The following APIP variants were observed in gnomAD, a reference collection of about 807,000 sequenced individuals.
APIP encodes the protein APAF1 interacting protein, also known as methylthioribulose-1-phosphate dehydratase.
APIP carries 32 observed loss-of-function variants against 32.0 expected under a neutral mutation model. The observed-to-expected ratio is 1.00, with a 90% CI of 0.76 to 1.34. The LOEUF (loss-of-function observed/expected upper bound fraction) is 1.34. Ranked by LOEUF, APIP falls within the 40% of genes most tolerant of loss-of-function variation. The probability of loss-of-function intolerance (pLI) is 0.00; values close to 1 mark genes in which losing one functional copy is unlikely to be tolerated. For synonymous variants in APIP, 92 were observed against 94.8 expected (o/e 0.97, Z 0.17); for missense variants, 247 against 298.6 (o/e 0.83, Z 1.27).
At chr11:34,896,803 T>C (rs1853280349) in intron 1 of APIP, 4 of 1,288,224 alleles carry the variant, frequency 3.1e-6, no homozygotes, top group Non-Finnish European at 4.0e-6. Context: ...TTCCTGAAGG[T>C]ATTGCAAAAC....
intron 4 of APIP, 74 bp downstream of exon 4, chr11:34,888,678 G>A (rs1031297099): frequency 6.3e-6 from 8 of 1,260,470 alleles, no homozygotes; most frequent in Non-Finnish European, 8.8e-6. Flanking sequence ...AATGTTAACT[G>A]AAATAATAAT....
intron 1 of APIP, among the ~76,000 whole-genome samples, chr11:34,901,983 A>C (rs187224881): frequency 5.3e-5 from 8 of 152,240 alleles, no homozygotes; most frequent in Admixed American, 1.3e-4. Context: ...CAACACCCCA[A>C]TATTAGGAGT....
At chr11:34,903,547 C>T (rs1853398937) in intron 1 of APIP, among the ~76,000 whole-genome samples, 1 of 152,184 alleles carries the variant, frequency 6.6e-6, no homozygotes, top group African/African-American at 2.4e-5. Context: ...AAAATATCAC[C>T]AGGAAATTAA....
intron 1 of APIP, among the ~76,000 whole-genome samples, chr11:34,904,670 G>A (rs1280793420): frequency 1.3e-5 from 2 of 152,096 alleles, no homozygotes; most frequent in African/African-American, 4.8e-5. Flanking sequence ...CAGGAGATTT[G>A]GTACTTGTAA....
At position 34,894,996 on chromosome 11, in the gene APIP, T is replaced by C; in HGVS notation, c.158+14A>G. 3.1e-6 allele frequency: 5 copies of C among 1,605,642 alleles called. No individual in the cohort carries two copies. The highest frequency in any genetic ancestry group is 4.3e-6 in the Non-Finnish European group (5 of 1,172,232). On this transcript the variant is annotated intron_variant, in intron 2 of 6. Transcript: ENST00000395787. ...ATGGAGAGTTCCCAGTAATAAAGGC[T>C]GCCAGAAACTTACCCATGCTTCAAG...
At chr11:34,916,186 T>C in intron 1 of APIP, 42 bp downstream of exon 1, 1 of 1,594,410 alleles carries the variant, frequency 6.3e-7, no homozygotes, top group Non-Finnish European at 8.5e-7. Flanking sequence ...CGCCTGGGCC[T>C]CTCCTCCTGG....
At chr11:34,892,411 C>A (rs914636212) in intron 2 of APIP, among the ~76,000 whole-genome samples, 3 of 152,120 alleles carry the variant, frequency 2.0e-5, no homozygotes, top group African/African-American at 7.2e-5. Context: ...TCAGTTGCTT[C>A]TATTTTTATT....
chr11:34,912,789 C>T (rs1055988180), intron 1 of APIP, among the ~76,000 whole-genome samples: 4 of 152,210 alleles, frequency 2.6e-5, no homozygotes, highest in Admixed American at 6.5e-5. Context: ...CGGCCTATTG[C>T]GGGATCTTGG....
Position 34,890,692 on chromosome 11 carries a change from C to T in APIP, c.159-140G>A, listed in dbSNP as rs573967417. The stretch of plus-strand genomic sequence containing the variant: ...TTGATTTAATTATGGATTTTGGCTG[C>T]ATAGAAAGAAAGCCAAACTACATCA... On this transcript the variant is annotated intron_variant, in intron 2 of 6. Coordinates refer to ENST00000395787, the MANE Select transcript of APIP (RefSeq NM_015957.4). 729 of 823,074 alleles carry T rather than the reference C, an allele frequency of 8.9e-4. 1 individual carries two copies. The African/African-American group carries it at 0.012, about 13-fold the overall frequency. The allele number at this position is 823,074 out of a possible 1,614,324, so 51.0% of individuals were successfully genotyped here.
chr11:34,905,135 C>T (rs932831359), intron 1 of APIP, among the ~76,000 whole-genome samples: 2 of 152,220 alleles, frequency 1.3e-5, no homozygotes, highest in Admixed American at 6.5e-5. Context: ...ATCTCAATTA[C>T]TGTAGCATTC....
At chr11:34,913,089 T>C (rs1171574481) in intron 1 of APIP, among the ~76,000 whole-genome samples, 1 of 152,190 alleles carries the variant, frequency 6.6e-6, no homozygotes, top group East Asian at 1.9e-4. Flanking sequence ...CTGATTTTAC[T>C]CCCTCACTCA....
intron 2 of APIP, among the ~76,000 whole-genome samples, chr11:34,892,967 G>T (rs1853205800): frequency 6.6e-6 from 1 of 152,120 alleles, no homozygotes; most frequent in Non-Finnish European, 1.5e-5. Flanking sequence ...ATTTTACTAT[G>T]TAAAGCACAA....
At chr11:34,909,690 A>G (rs970669985) in intron 1 of APIP, among the ~76,000 whole-genome samples, 7 of 152,164 alleles carry the variant, frequency 4.6e-5, no homozygotes, top group African/African-American at 1.7e-4. Flanking sequence ...GGCGGAAGAT[A>G]AATTTGTAGG....
At chr11:34,896,669 T>G in intron 1 of APIP, 1 of 810,762 alleles carries the variant, frequency 1.2e-6, no homozygotes, top group Non-Finnish European at 1.8e-6. Context: ...CGTGTATACC[T>G]AAGTAACAAA....
intron 3 of APIP, 37 bp downstream of exon 3, chr11:34,890,467 G>C: frequency 6.4e-7 from 1 of 1,569,546 alleles, no homozygotes; most frequent in Non-Finnish European, 8.6e-7. Context: ...TAATTAAGAA[G>C]AAAAGACACT....
intron 2 of APIP, among the ~76,000 whole-genome samples, chr11:34,891,751 C>A (rs890844569): frequency 6.6e-6 from 1 of 152,144 alleles, no homozygotes; most frequent in South Asian, 2.1e-4. Flanking sequence ...CTATTGTTTC[C>A]GAGTTCTGCA....
chr11:34,898,793 T>G (rs1325837629), intron 1 of APIP, among the ~76,000 whole-genome samples: 14 of 119,610 alleles, frequency 1.2e-4, no homozygotes, highest in African/African-American at 3.6e-4. Flanking sequence ...TTGGTTTTTT[T>G]TTTTTTTTTT....
At chr11:34,911,134 G>A (rs1256809220) in intron 1 of APIP, among the ~76,000 whole-genome samples, 1 of 152,072 alleles carries the variant, frequency 6.6e-6, no homozygotes, top group Non-Finnish European at 1.5e-5. Flanking sequence ...ACCCAAAAAA[G>A]TGTATGGTAA....
chr11:34,888,563 A>G, intron 4 of APIP, 135 bp from the exon 5 acceptor site: 1 of 1,326,200 alleles, frequency 7.5e-7, no homozygotes, highest in Non-Finnish European at 1.0e-6. Context: ...ATAAGTTGGT[A>G]GTAGGCAGGA....
Sources: gnomAD v4.1 joint callset for allele counts (sites outside exome capture counted in the v4.1 genomes callset) on GRCh38, gnomAD v4.1.1 for gene constraint, MANE v1.5 for transcripts, NCBI Gene and HGNC (gene_info 2026-07-23, HGNC 2026-07-21) for gene names.